USP6NL: variants seen among roughly 807,000 people sequenced by gnomAD.
The protein encoded by USP6NL is USP6 N-terminal like, also known as USP6 N-terminal-like protein.
USP6NL carries 26 observed loss-of-function variants against 61.9 expected under a neutral mutation model. The observed-to-expected ratio is 0.42, with a 90% CI of 0.31 to 0.58. USP6NL has a LOEUF of 0.58. USP6NL is among the 20% of genes least tolerant of loss of function. The pLI is 0.16. For missense variants in USP6NL, 1,114 were observed against 1,034.3 expected, an observed-to-expected ratio of 1.08 and a Z score of -1.06; for synonymous variants, 432 against 390.1, an observed-to-expected ratio of 1.11 and a Z score of -1.27.
chr10:11,489,263 C>T lies in USP6NL; in HGVS notation c.544-41G>A, dbSNP rs766647053. The T allele has an allele frequency of 6.2e-6, 10 of 1,610,332 alleles. No individual in the cohort carries two copies. Among genetic ancestry groups the T allele is most frequent in the Non-Finnish European group, 7.6e-6 (9 of 1,177,748 alleles). On this transcript the variant is annotated intron_variant, in intron 9 of 14. Transcript: ENST00000609104. This position sits in a 1 kb window ranked among gnomAD's most constrained non-coding sequence, Gnocchi z 5.7. Reference sequence around the variant, plus strand: ...GAACACAGAAGCTGGGGAGTTCAGTCGAATTACATGCATATGTACAGAGAA... The same window carrying T: ...GAACACAGAAGCTGGGGAGTTCAGTTGAATTACATGCATATGTACAGAGAA...
chr10:11,505,207 AG>A (rs975639760), intron 6 of USP6NL, among the ~76,000 whole-genome samples: 65 of 152,334 alleles, frequency 4.3e-4, no homozygotes, highest in Admixed American at 2.6e-4. Context: ...GGAATGTGCC[AG>A]GAAGGGAAAA....
Position 11,463,772 on chromosome 10 carries a change from T to G in USP6NL, c.1156A>C (p.Ser386Arg). 1 of 1,549,322 alleles carries G rather than the reference T, an allele frequency of 6.5e-7. No individual in the cohort carries two copies. The highest frequency in any genetic ancestry group is 8.7e-7 in the Non-Finnish European group (1 of 1,147,864). ...ELQSWGVHHL[S>R]NGQRSVGRPS... ...CGGCCCACGCTCCTCTGTCCGTTGC[T>G]CAAGTGATGGACGCCCCAAGACTGA... The change falls in exon 15 of 15, where the codon AGC becomes CGC. Residue 386 changes from serine to arginine, a missense_variant. Ser to Arg is a moderately radical substitution (Grantham distance 110). Coordinates refer to ENST00000609104, the MANE Select transcript of USP6NL (RefSeq NM_014688.5). The surrounding 1 kb of genome is among the most constrained non-coding windows in gnomAD (Gnocchi z 6.3).
At chr10:11,466,585 C>T (rs780998682) in intron 14 of USP6NL, among the ~76,000 whole-genome samples, 3 of 152,148 alleles carry the variant, frequency 2.0e-5, no homozygotes, top group African/African-American at 4.8e-5. Context: ...GCATATTTCC[C>T]GACATATAGA....
At chr10:11,527,369 G>A in intron 3 of USP6NL, 131 bp downstream of exon 3, 1 of 730,548 alleles carries the variant, frequency 1.4e-6, no homozygotes, top group Non-Finnish European at 2.3e-6. Context: ...AGTCAGCGAA[G>A]ATGATCTCTA....
chr10:11,532,425 G>C lies in USP6NL; in HGVS notation c.5-4858C>G. 2.0e-6 allele frequency: 1 copy of C among 495,968 alleles called. No individual in the cohort carries two copies. The allele number at this position is 495,968 out of a possible 1,614,324, so 30.7% of individuals were successfully genotyped here. On this transcript the variant is annotated intron_variant, in intron 2 of 14. Coordinates refer to ENST00000609104, the MANE Select transcript of USP6NL (RefSeq NM_014688.5). The surrounding 1 kb of genome is among the most constrained non-coding windows in gnomAD (Gnocchi z 4.1). ...TGAGATGCACTCTGTCTTCTTCTAAGGGAGAAAAAAACCTTGCTGTGGTTA... is the reference window on the plus strand; with the variant it reads ...TGAGATGCACTCTGTCTTCTTCTAACGGAGAAAAAAACCTTGCTGTGGTTA...
chr10:11,485,748 CAATTT>C lies in USP6NL; in HGVS notation c.759+64_759+68del, dbSNP rs71907275. The C allele has an allele frequency of 9.9e-3, 10,160 of 1,027,436 alleles. 58 individuals carry two copies. The highest frequency in any genetic ancestry group is 0.012 in the South Asian group (821 of 65,826). 63.6% of individuals were successfully genotyped at this position (1,027,436 alleles called of 1,614,324 possible). A position where few individuals can be genotyped will look rare whatever the true frequency, so the allele number is the denominator to read the frequency against. On this transcript the variant is annotated intron_variant, in intron 11 of 14. Transcript: ENST00000609104. The surrounding 1 kb of genome is among the most constrained non-coding windows in gnomAD (Gnocchi z 4.8). ...ATTAATAAGGTAATTGGACCAAAGA[CAATTT>C]AATTATCCCAGCTTTTTTTGGGGGG...
intron 2 of USP6NL, among the ~76,000 whole-genome samples, chr10:11,544,188 G>A (rs1173287843): frequency 6.6e-6 from 1 of 151,090 alleles, no homozygotes; most frequent in Admixed American, 6.6e-5. Context: ...TAAACACAAT[G>A]TTCAATCAGA....
intron 7 of USP6NL, among the ~76,000 whole-genome samples, chr10:11,498,291 G>A (rs540719753): frequency 7.1e-5 from 10 of 140,692 alleles, no homozygotes; most frequent in South Asian, 4.9e-4. Flanking sequence ...TTTGGCCTAC[G>A]AGATTACTGA....
intron 2 of USP6NL, among the ~76,000 whole-genome samples, chr10:11,582,077 G>A (rs1270837833): frequency 6.6e-6 from 1 of 152,184 alleles, no homozygotes; most frequent in Non-Finnish European, 1.5e-5. Flanking sequence ...CGATTCTCCT[G>A]CCACAGCCTC....
At position 11,525,768 on chromosome 10, in the gene USP6NL, G is replaced by A. The variant is rs757555393; in HGVS notation, c.73-300C>T. Among the ~76,000 whole-genome samples, 3 of 152,184 alleles carry A rather than the reference G, an allele frequency of 2.0e-5. No homozygotes were observed. Among genetic ancestry groups the A allele is most frequent in the Admixed American group, 1.3e-4 (2 of 15,282 alleles). ...GGGAAGCTAATGAGGAAAGAAGAGCGATGGGGATGAGAAAGCCACTCCAGA... is the reference window on the plus strand; with the variant it reads ...GGGAAGCTAATGAGGAAAGAAGAGCAATGGGGATGAGAAAGCCACTCCAGA... On this transcript the variant is annotated intron_variant, in intron 3 of 14. Coordinates refer to ENST00000609104, the MANE Select transcript of USP6NL (RefSeq NM_014688.5). The surrounding 1 kb of genome is among the most constrained non-coding windows in gnomAD (Gnocchi z 5.0).
Position 11,528,238 on chromosome 10 carries a change from G to C in USP6NL, c.5-671C>G, listed in dbSNP as rs1244381363. ...AAAGTCGAGATCATAACATGAAATA[G>C]TATGAATATATACCATAAGTTTTTT... On this transcript the variant is annotated intron_variant, in intron 2 of 14. Coordinates refer to ENST00000609104, the MANE Select transcript of USP6NL (RefSeq NM_014688.5). This position sits in a 1 kb window ranked among gnomAD's most constrained non-coding sequence, Gnocchi z 4.6. 6.6e-6 allele frequency among the ~76,000 whole-genome samples: 1 copy of C among 150,752 alleles called. No homozygotes were observed. Among genetic ancestry groups the C allele is most frequent in the Non-Finnish European group, 1.5e-5 (1 of 67,818 alleles).
rs199706974 is a variant in USP6NL, at chr10:11,493,206, C to A, written c.407G>T (p.Gly136Val). ...LYSKLKHRAR[G>V]CSPDIRQIDL... ...TATTTGTCTGATGTCAGGTGAACAG[C>A]CCCGTGCTCTGTGTTTTAATTTCTG... Residue 136 changes from glycine to valine, a missense_variant, in exon 8 of 15, where the codon GGC (glycine) becomes GTC (valine). Gly to Val is a moderately radical substitution (Grantham distance 109). Transcript: ENST00000609104. 6.2e-7 allele frequency: 1 copy of A among 1,610,978 alleles called. No homozygotes were observed. The highest frequency in any genetic ancestry group is 8.5e-7 in the Non-Finnish European group (1 of 1,178,498).
intron 2 of USP6NL, among the ~76,000 whole-genome samples, chr10:11,531,796 A>G (rs529120471): frequency 2.0e-5 from 3 of 152,340 alleles, no homozygotes; most frequent in African/African-American, 7.2e-5. Flanking sequence ...ATCAGAAGAT[A>G]TTTGGATACT....
rs1018343048 is a variant in USP6NL, at chr10:11,587,061, A to G, written c.4+10570T>C. 2.0e-5 allele frequency among the ~76,000 whole-genome samples: 3 copies of G among 152,094 alleles called. No individual in the cohort carries two copies. Among genetic ancestry groups the G allele is most frequent in the African/African-American group, 7.2e-5 (3 of 41,394 alleles). Reference sequence around the variant, plus strand: ...TCCCTTTTGGTACTAAGACCGTACTACTGGCTCAATGTCTGGCTTTCCCAC... The same window carrying G: ...TCCCTTTTGGTACTAAGACCGTACTGCTGGCTCAATGTCTGGCTTTCCCAC... On this transcript the variant is annotated intron_variant, in intron 2 of 14. Coordinates refer to ENST00000609104, the MANE Select transcript of USP6NL (RefSeq NM_014688.5). This position sits in a 1 kb window ranked among gnomAD's most constrained non-coding sequence, Gnocchi z 4.5.
rs557230089 is a variant in USP6NL at position 11,520,005 on chromosome 10, G to C, written c.156-1431C>G. ...CTTTTTCTACTCTGAGGAGTCCTTA[G>C]GTGAACAATTACTACAGCCACAAAA... On this transcript the variant is annotated intron_variant, in intron 4 of 14. Coordinates refer to ENST00000609104, the MANE Select transcript of USP6NL (RefSeq NM_014688.5). This position sits in a 1 kb window ranked among gnomAD's most constrained non-coding sequence, Gnocchi z 5.2. Among the ~76,000 whole-genome samples the C allele has an allele frequency of 6.6e-6, 1 of 152,170 alleles. No individual in the cohort carries two copies. The highest frequency in any genetic ancestry group is 1.9e-4 in the East Asian group (1 of 5,188).
chr10:11,569,388 G>A (rs1418591069), intron 2 of USP6NL, among the ~76,000 whole-genome samples: 1 of 152,080 alleles, frequency 6.6e-6, no homozygotes, highest in Non-Finnish European at 1.5e-5. Context: ...AAGTAGAAAC[G>A]TTCAGTAAGT....
chr10:11,493,006 T>C, intron 8 of USP6NL, 113 bp downstream of exon 8: 2 of 865,120 alleles, frequency 2.3e-6, no homozygotes, highest in Non-Finnish European at 3.5e-6. Flanking sequence ...TGCAAAAGCT[T>C]AAACCTTTAG....
intron 1 of USP6NL, among the ~76,000 whole-genome samples, chr10:11,601,882 T>C (rs1838542071): frequency 6.6e-6 from 1 of 152,240 alleles, no homozygotes; most frequent in Non-Finnish European, 1.5e-5. Flanking sequence ...CTAAAGCTTC[T>C]GATCTCACCT....
At position 11,518,708 on chromosome 10, in the gene USP6NL, G is replaced by A; in HGVS notation, c.156-134C>T. ...AGAGTTACATAGGCTTCCATTCATT[G>A]AATTCAATATGAAATGATAGCTACT... On this transcript the variant is annotated intron_variant, in intron 4 of 14. Coordinates refer to ENST00000609104, the MANE Select transcript of USP6NL (RefSeq NM_014688.5). The surrounding 1 kb of genome is among the most constrained non-coding windows in gnomAD (Gnocchi z 5.3). The A allele has an allele frequency of 1.5e-6, 1 of 659,568 alleles. No individual in the cohort carries two copies. The highest frequency in any genetic ancestry group is 2.5e-6 in the Non-Finnish European group (1 of 399,032). 40.9% of individuals were successfully genotyped at this position (659,568 alleles called of 1,614,324 possible). A position where few individuals can be genotyped will look rare whatever the true frequency, so the allele number is the denominator to read the frequency against.
Sources: allele counts gnomAD v4.1 joint callset (sites outside exome capture counted in the v4.1 genomes callset), GRCh38; gene constraint gnomAD v4.1.1; non-coding constraint Gnocchi (gnomAD v3.1); transcripts MANE v1.5; gene names NCBI Gene and HGNC (gene_info 2026-07-23, HGNC 2026-07-21).